The following SLC16A3 variants were observed in gnomAD, a reference collection of about 807,000 sequenced individuals.
SLC16A3 encodes solute carrier family 16 member 3.
In SLC16A3, 22 loss-of-function variants were observed where a neutral mutation model predicts 25.0. The observed-to-expected ratio is 0.88, with a 90% confidence interval of 0.63 to 1.26. SLC16A3 has a LOEUF of 1.26. Ranked by LOEUF, SLC16A3 falls within the 50% of genes most tolerant of loss-of-function variation. The pLI, the probability that SLC16A3 is intolerant of heterozygous loss-of-function variation, is 0.00. For missense variants in SLC16A3, 731 were observed against 666.6 expected, an observed-to-expected ratio of 1.10 and a Z score of -1.06; for synonymous variants, 390 against 309.2, an observed-to-expected ratio of 1.26 and a Z score of -2.74.
chr17:82,237,216 A>G lies in SLC16A3; in HGVS notation c.446A>G (p.Asn149Ser). 6.5e-7 allele frequency: 1 copy of G among 1,544,886 alleles called. No individual in the cohort carries two copies. Among genetic ancestry groups the G allele is most frequent in the Non-Finnish European group, 8.7e-7 (1 of 1,144,772 alleles). The change falls in exon 4 of 5, where the codon AAC (asparagine) becomes AGC (serine). Residue 149 changes from asparagine to serine, a missense_variant. Physicochemically the swap from Asn to Ser is conservative, Grantham distance 46. Transcript: ENST00000582743. ...TTCAGCAAGCGGCGCCCCATGGCCA[A>G]CGGGCTGGCGGCAGCAGGTAGCCCT... ...RYFSKRRPMANGLAAAGSPVF... is the reference protein window; with the variant it reads ...RYFSKRRPMASGLAAAGSPVF...
In SLC16A3 at chr17:82,239,475, T is replaced by A. The variant is rs976134120; in HGVS notation, c.*499T>A. ...ATAAACCTGCGTGTGGGTGGAGTGT[T>A]AGGACCAACGGTTTCCTAGGAGTAT... On this transcript the variant is annotated 3_prime_UTR_variant, in exon 5 of 5. Coordinates refer to ENST00000582743, the MANE Select transcript of SLC16A3 (RefSeq NM_004207.4). 5.9e-6 allele frequency: 1 copy of A among 168,184 alleles called. No individual in the cohort carries two copies. Among genetic ancestry groups the A allele is most frequent in the Non-Finnish European group, 1.3e-5 (1 of 79,288 alleles). 10.4% of individuals were successfully genotyped at this position (168,184 alleles called of 1,614,324 possible).
At position 82,229,054 on chromosome 17, in the gene SLC16A3, CAGAGGCGGCG is replaced by C. The variant is rs370763795; in HGVS notation, c.-60_-51del. The C allele has an allele frequency of 0.7, 103,394 of 148,108 alleles. 36,445 individuals are homozygous for C. Among genetic ancestry groups the C allele is most frequent in the East Asian group, 0.93 (4,622 of 4,972 alleles). The allele number at this position is 148,108 out of a possible 1,614,324, so 9.2% of individuals were successfully genotyped here. ...CGCGGAGCGGACCGGCAGAGGCGGGCAGAGGCGGCGAGAGGCGGCGAGAGGCGGGCTGAGG... is the reference window on the plus strand; with the variant it reads ...CGCGGAGCGGACCGGCAGAGGCGGGCAGAGGCGGCGAGAGGCGGGCTGAGG... On this transcript the variant is annotated 5_prime_UTR_variant, in exon 1 of 5. Transcript: ENST00000582743.
chr17:82,239,882 G>T lies in SLC16A3; in HGVS notation c.*906G>T. On this transcript the variant is annotated 3_prime_UTR_variant, in exon 5 of 5. Coordinates refer to ENST00000582743, the MANE Select transcript of SLC16A3 (RefSeq NM_004207.4). ...TGTCCTCCATCCAGCCCGGCCCAGC[G>T]CTTGGGCTTGTCCTGGACACCTAAC... The T allele has an allele frequency of 1.4e-6, 1 of 709,774 alleles. No homozygotes were observed. The highest frequency in any genetic ancestry group is 2.0e-6 in the Non-Finnish European group (1 of 510,832). 44.0% of individuals were successfully genotyped at this position (709,774 alleles called of 1,614,324 possible).
intron 1 of SLC16A3, among the ~76,000 whole-genome samples, chr17:82,219,749 T>A (rs2050377824): frequency 6.6e-6 from 1 of 152,090 alleles, no homozygotes; most frequent in East Asian, 1.9e-4. Context: ...GCGGGGGGTC[T>A]GCGCTGAGAA....
chr17:82,237,756 G>A lies in SLC16A3; in HGVS notation c.986G>A (p.Gly329Asp). The A allele has an allele frequency of 6.2e-7, 1 of 1,612,066 alleles. No homozygotes were observed. Residue 329 changes from glycine (G) to aspartate (D), a missense_variant, in exon 4 of 5, where the codon GGC (glycine) becomes GAC (aspartate). Coordinates refer to ENST00000582743, the MANE Select transcript of SLC16A3 (RefSeq NM_004207.4). Reference sequence around the variant, plus strand: ...CTCGTGGTCTTCTGCATCTTCTTTGGCATCTCCTACGGCATGGTGGGGGCC... The same window carrying A: ...CTCGTGGTCTTCTGCATCTTCTTTGACATCTCCTACGGCATGGTGGGGGCC... ...GGLVVFCIFF[G>D]ISYGMVGALQ...
intron 1 of SLC16A3, 151 bp from the exon 2 acceptor site, chr17:82,235,832 C>A: frequency 1.6e-6 from 1 of 614,806 alleles, no homozygotes. Context: ...CCTGCCTCCA[C>A]CAGACACCAG....
intron 1 of SLC16A3, among the ~76,000 whole-genome samples, chr17:82,219,043 G>A (rs1301218829): frequency 6.6e-6 from 1 of 152,184 alleles, no homozygotes; most frequent in African/African-American, 2.4e-5. Context: ...GGACGTTTCG[G>A]GGTTACCGTG....
chr17:82,237,015 T>C, intron 3 of SLC16A3, 123 bp from the exon 4 acceptor site: 1 of 1,443,896 alleles, frequency 6.9e-7, no homozygotes, highest in South Asian at 1.3e-5. Context: ...CCCTCTCGAG[T>C]GGGTGGGTGG....
intron 1 of SLC16A3, among the ~76,000 whole-genome samples, chr17:82,222,305 C>T (rs1568529362): frequency 3.3e-5 from 5 of 151,822 alleles, no homozygotes; most frequent in East Asian, 1.9e-4. Context: ...AGACGAGTGT[C>T]GCCCTGGGAC....
intron 1 of SLC16A3, chr17:82,235,489 C>G (rs1226149808): frequency 6.2e-6 from 1 of 160,602 alleles, no homozygotes; most frequent in East Asian, 1.8e-4. Context: ...AGAGCCAGAG[C>G]AAGGCACGCT....
At chr17:82,238,630 AGGCTTG>A in intron 4 of SLC16A3, 66 bp from the exon 5 acceptor site, 1 of 1,448,728 alleles carries the variant, frequency 6.9e-7, no homozygotes, top group Non-Finnish European at 9.2e-7. Context: ...ACCGAGACAC[AGGCTTG>A]GGTGGAGCCG....
At chr17:82,234,675 T>C (rs189967282) in intron 1 of SLC16A3, 58 of 150,852 alleles carry the variant, frequency 3.8e-4, no homozygotes, top group Admixed American at 1.2e-3. Context: ...GGAGGAGGAG[T>C]GAGGAGCCAC....
intron 1 of SLC16A3, among the ~76,000 whole-genome samples, chr17:82,219,134 G>A (rs1053102540): frequency 6.6e-6 from 1 of 152,142 alleles, no homozygotes; most frequent in African/African-American, 2.4e-5. Context: ...GCAGGGATGG[G>A]GCCCATACAT....
intron 1 of SLC16A3, among the ~76,000 whole-genome samples, chr17:82,221,854 G>C (rs1331130253): frequency 1.3e-5 from 2 of 152,072 alleles, no homozygotes; most frequent in Non-Finnish European, 2.9e-5. Context: ...GGCAACATAA[G>C]AAGACCCTGG....
intron 1 of SLC16A3, among the ~76,000 whole-genome samples, chr17:82,233,076 G>A (rs116829639): frequency 0.02 from 3,000 of 152,268 alleles, 92 homozygotes; most frequent in African/African-American, 0.069. Context: ...TCACGGTGCC[G>A]GGGTTATCCT....
intron 1 of SLC16A3, among the ~76,000 whole-genome samples, chr17:82,218,195 G>A (rs67588022): frequency 0.69 from 67,387 of 98,164 alleles, 23,585 homozygotes; most frequent in East Asian, 0.91. Context: ...GTGAGTGGAC[G>A]GCCAAGGCGA....
At position 82,237,457 on chromosome 17, in the gene SLC16A3, G is replaced by A; in HGVS notation, c.687G>A (p.Val229=). The A allele has an allele frequency of 6.2e-7, 1 of 1,605,214 alleles. No homozygotes were observed. The highest frequency in any genetic ancestry group is 1.1e-5 in the South Asian group (1 of 90,416). The change falls in exon 4 of 5, where the codon GTG becomes GTA. Residue 229 remains valine, a synonymous_variant. Coordinates refer to ENST00000582743, the MANE Select transcript of SLC16A3 (RefSeq NM_004207.4). ...DLSVFRDRGF[V]LYAVAASVMV... ...GCGTCTTCCGGGACCGCGGCTTTGT[G>A]CTTTACGCCGTGGCCGCCTCGGTCA...
At chr17:82,221,476 G>A (rs764709190) in intron 1 of SLC16A3, among the ~76,000 whole-genome samples, 1 of 152,062 alleles carries the variant, frequency 6.6e-6, no homozygotes, top group Non-Finnish European at 1.5e-5. Flanking sequence ...CTGAGGCGGG[G>A]AAGACTCGTG....
rs527273390 is a variant in SLC16A3, at chr17:82,237,601, G to A, written c.831G>A (p.Ala277=). The A allele has an allele frequency of 2.2e-3, 3,568 of 1,612,382 alleles. 89 individuals are homozygous for A. In the South Asian group the frequency reaches 0.037, roughly 17 times the overall value. Residue 277 remains alanine (A), a synonymous_variant, in exon 4 of 5, where the codon GCG becomes GCA. Coordinates refer to ENST00000582743, the MANE Select transcript of SLC16A3 (RefSeq NM_004207.4). ...TCCTGGGCTTCATTGACATCTTCGC[G>A]CGGCCGGCCGCGGGCTTCGTGGCGG... is the stretch of plus-strand genomic sequence containing the variant. ...LTILGFIDIF[A]RPAAGFVAGL...
Sources: allele counts gnomAD v4.1 joint callset (sites outside exome capture counted in the v4.1 genomes callset), GRCh38; gene constraint gnomAD v4.1.1; transcripts MANE v1.5; gene names NCBI Gene and HGNC (gene_info 2026-07-23, HGNC 2026-07-21).